The following CTIF variants were observed in gnomAD, a reference collection of about 807,000 sequenced individuals.
CTIF encodes cap binding complex dependent translation initiation factor.
A neutral mutation model predicts 66.0 loss-of-function variants in CTIF; 21 were observed. The observed-to-expected ratio is 0.32, with a 90% CI of 0.23 to 0.46. CTIF has a LOEUF of 0.46. Among genes scored for constraint, CTIF ranks in the 20% least tolerant of loss-of-function variants. CTIF has a pLI of 1.00. For missense variants in CTIF, 739 were observed against 812.7 expected (o/e 0.91, Z 1.10); for synonymous variants, 345 against 326.4 (o/e 1.06, Z -0.62).
intron 10 of CTIF, among the ~76,000 whole-genome samples, chr18:48,827,301 G>T (rs1158484652): frequency 6.6e-6 from 1 of 152,174 alleles, no homozygotes; most frequent in African/African-American, 2.4e-5. Context: ...CTAGAAATGT[G>T]CTGAGATAAC....
chr18:48,543,357 G>A (rs2145468179), intron 1 of CTIF, among the ~76,000 whole-genome samples: 1 of 152,306 alleles, frequency 6.6e-6, no homozygotes, highest in Non-Finnish European at 1.5e-5. Flanking sequence ...GATGTCCTTG[G>A]CTTGGCAGGG....
intron 9 of CTIF, among the ~76,000 whole-genome samples, chr18:48,764,625 A>C (rs1374700658): frequency 2.6e-5 from 4 of 152,158 alleles, no homozygotes; most frequent in African/African-American, 4.8e-5. Context: ...CAAGGCAGTC[A>C]TGGCTCACAT....
intron 11 of CTIF, among the ~76,000 whole-genome samples, chr18:48,857,844 C>T (rs1206896932): frequency 6.6e-6 from 1 of 150,496 alleles, no homozygotes; most frequent in Non-Finnish European, 1.5e-5. Flanking sequence ...GAGCAGCTCA[C>T]CCCTGACTGA....
At chr18:48,833,629 G>A (rs946179906) in intron 10 of CTIF, among the ~76,000 whole-genome samples, 1 of 152,178 alleles carries the variant, frequency 6.6e-6, no homozygotes, top group African/African-American at 2.4e-5. Context: ...GAAAGGAGGG[G>A]TGGGGAGAGA....
intron 9 of CTIF, among the ~76,000 whole-genome samples, chr18:48,806,040 A>G (rs2068140444): frequency 6.6e-6 from 1 of 152,168 alleles, no homozygotes; most frequent in Non-Finnish European, 1.5e-5. Flanking sequence ...AGTGGAGGTG[A>G]TCAGGGCTGG....
chr18:48,669,105 G>T (rs1293354235), intron 5 of CTIF, among the ~76,000 whole-genome samples: 1 of 152,154 alleles, frequency 6.6e-6, no homozygotes, highest in Non-Finnish European at 1.5e-5. Flanking sequence ...GCTGCCCCCA[G>T]TGGTGCTCCG....
At chr18:48,693,610 G>A (rs2091964192) in intron 6 of CTIF, among the ~76,000 whole-genome samples, 1 of 151,994 alleles carries the variant, frequency 6.6e-6, no homozygotes, top group Non-Finnish European at 1.5e-5. Flanking sequence ...TGAGAAGGCT[G>A]GGTACCTATC....
chr18:48,569,941 G>A (rs1360252684), intron 1 of CTIF, among the ~76,000 whole-genome samples: 1 of 152,232 alleles, frequency 6.6e-6, no homozygotes, highest in African/African-American at 2.4e-5. Flanking sequence ...TAGGGCCAGT[G>A]ACATTGGTCT....
At chr18:48,853,248 CA>C (rs1460750638) in intron 10 of CTIF, among the ~76,000 whole-genome samples, 1 of 152,062 alleles carries the variant, frequency 6.6e-6, no homozygotes, top group Admixed American at 6.5e-5. Flanking sequence ...TATAATATGT[CA>C]GGGGCCGCAG....
At chr18:48,595,071 C>G (rs1273918771) in intron 1 of CTIF, among the ~76,000 whole-genome samples, 5 of 152,232 alleles carry the variant, frequency 3.3e-5, no homozygotes, top group African/African-American at 1.2e-4. Flanking sequence ...TGTCTCGAAG[C>G]ATCAAGTCAC....
chr18:48,559,837 G>T (rs961454281), intron 1 of CTIF, among the ~76,000 whole-genome samples: 4 of 152,084 alleles, frequency 2.6e-5, no homozygotes, highest in African/African-American at 7.2e-5. Context: ...ATCAAAAAAC[G>T]ACCTGTTGGG....
At chr18:48,637,385 C>T (rs2090843707) in intron 3 of CTIF, among the ~76,000 whole-genome samples, 1 of 152,206 alleles carries the variant, frequency 6.6e-6, no homozygotes. Flanking sequence ...ACTGATACCT[C>T]ATCCCTGCCT....
intron 9 of CTIF, among the ~76,000 whole-genome samples, chr18:48,763,401 TG>T (rs1223555867): frequency 1.3e-5 from 2 of 152,192 alleles, no homozygotes; most frequent in African/African-American, 4.8e-5. Flanking sequence ...CCATCAATCC[TG>T]GGGAACAGTC....
chr18:48,839,862 C>T (rs2068897716), intron 10 of CTIF, among the ~76,000 whole-genome samples: 1 of 152,166 alleles, frequency 6.6e-6, no homozygotes, highest in African/African-American at 2.4e-5. Context: ...TCCCAGGGAA[C>T]AGAGGCCCTT....
intron 3 of CTIF, among the ~76,000 whole-genome samples, chr18:48,643,194 A>G (rs566783838): frequency 1.3e-5 from 2 of 152,338 alleles, no homozygotes; most frequent in South Asian, 2.1e-4. Context: ...CTCTCTGAAG[A>G]TTTGCTGAAA....
intron 7 of CTIF, among the ~76,000 whole-genome samples, chr18:48,712,813 T>C (rs1353743019): frequency 6.6e-6 from 1 of 152,244 alleles, no homozygotes; most frequent in East Asian, 1.9e-4. Flanking sequence ...TATTAGGTGG[T>C]GACTGCAACT....
intron 1 of CTIF, among the ~76,000 whole-genome samples, chr18:48,607,648 G>T (rs1436070341): frequency 6.6e-6 from 1 of 152,208 alleles, no homozygotes; most frequent in East Asian, 1.9e-4. Context: ...GTTTAGCTGG[G>T]GAAGGAGGCA....
rs114662402 is a variant in CTIF at position 48,771,412 on chromosome 18, A to C, written c.1371+9723A>C. On this transcript the variant is annotated intron_variant, in intron 9 of 11. Coordinates refer to ENST00000256413, the MANE Select transcript of CTIF (RefSeq NM_014772.3). Reference sequence around the variant, plus strand: ...ATGGATAGGCAGGCATGGGAATAGCACAGGCCACAGCCACAAAAGGGAATG... The same window carrying C: ...ATGGATAGGCAGGCATGGGAATAGCCCAGGCCACAGCCACAAAAGGGAATG... Among the ~76,000 whole-genome samples, 683 of 152,236 alleles carry C rather than the reference A, an allele frequency of 4.5e-3. 15 individuals carry two copies. Among genetic ancestry groups the C allele is most frequent in the African/African-American group, 0.015 (637 of 41,530 alleles).
At chr18:48,729,086 C>T (rs544920445) in intron 7 of CTIF, among the ~76,000 whole-genome samples, 12 of 152,196 alleles carry the variant, frequency 7.9e-5, no homozygotes, top group Admixed American at 1.3e-4. Flanking sequence ...CTCCCCTCTG[C>T]GCTTCCATCC....
Sources: gnomAD v4.1 joint callset for allele counts (sites outside exome capture counted in the v4.1 genomes callset) on GRCh38, gnomAD v4.1.1 for gene constraint, MANE v1.5 for transcripts, NCBI Gene and HGNC (gene_info 2026-07-23, HGNC 2026-07-21) for gene names.